The following CHST8 variants were observed in gnomAD, a reference collection of about 807,000 sequenced individuals.
CHST8 encodes carbohydrate sulfotransferase 8.
In CHST8, 10 loss-of-function variants were observed where a neutral mutation model predicts 15.0. The observed-to-expected ratio is 0.67, with a 90% CI of 0.41 to 1.13. CHST8 has a LOEUF of 1.13. Ranked by LOEUF, CHST8 falls within the 50% of genes most tolerant of loss-of-function variation. CHST8 has a pLI of 0.00. For synonymous variants in CHST8, 259 were observed against 256.6 expected (o/e 1.01, Z -0.09); for missense variants, 634 against 608.2 (o/e 1.04, Z -0.45).
At chr19:33,756,006 TCCACCC>T (rs1275573472) in intron 3 of CHST8, among the ~76,000 whole-genome samples, 3 of 152,122 alleles carry the variant, frequency 2.0e-5, no homozygotes, top group Non-Finnish European at 2.9e-5. Flanking sequence ...AGTAAGCTCC[TCCACCC>T]CCACCCAGGC....
chr19:33,674,286 T>C (rs1244663497), intron 2 of CHST8, among the ~76,000 whole-genome samples: 4 of 152,170 alleles, frequency 2.6e-5, no homozygotes, highest in African/African-American at 4.8e-5. Flanking sequence ...AGGTGCACTG[T>C]CACCTAGGTG....
At chr19:33,650,222 G>A (rs767530526) in intron 1 of CHST8, among the ~76,000 whole-genome samples, 27 of 152,190 alleles carry the variant, frequency 1.8e-4, no homozygotes, top group Admixed American at 7.9e-4. Context: ...CCAACCTCCC[G>A]TCCCAGCATG....
intron 3 of CHST8, among the ~76,000 whole-genome samples, chr19:33,716,413 C>T (rs1973666762): frequency 1.3e-5 from 2 of 152,180 alleles, no homozygotes; most frequent in South Asian, 4.1e-4. Context: ...GTCACCCAGA[C>T]TGGAGTACAG....
chr19:33,739,975 C>G (rs1974156136), intron 3 of CHST8, among the ~76,000 whole-genome samples: 1 of 152,162 alleles, frequency 6.6e-6, no homozygotes, highest in Non-Finnish European at 1.5e-5. Context: ...CTCTCAGAGA[C>G]AGAGGTGAGG....
At chr19:33,765,998 G>A (rs1230863182) in intron 3 of CHST8, among the ~76,000 whole-genome samples, 1 of 152,108 alleles carries the variant, frequency 6.6e-6, no homozygotes, top group African/African-American at 2.4e-5. Flanking sequence ...CCAAGTAGGA[G>A]GGAGTCTCGG....
intron 1 of CHST8, among the ~76,000 whole-genome samples, chr19:33,636,245 AGCAC>A (rs751969596): frequency 3.5e-4 from 54 of 152,208 alleles, no homozygotes; most frequent in Non-Finnish European, 1.3e-4. Flanking sequence ...ACCAACATTA[AGCAC>A]GGACCTCTCG....
At chr19:33,759,545 A>C (rs1166267762) in intron 3 of CHST8, among the ~76,000 whole-genome samples, 1 of 151,712 alleles carries the variant, frequency 6.6e-6, no homozygotes, top group African/African-American at 2.4e-5. Context: ...TCATGCCCCC[A>C]CTGGCCCAGA....
At chr19:33,693,931 T>C (rs1973147505) in intron 3 of CHST8, among the ~76,000 whole-genome samples, 1 of 151,412 alleles carries the variant, frequency 6.6e-6, no homozygotes, top group South Asian at 2.1e-4. Context: ...TTATCACTCC[T>C]TCTTCATTCT....
intron 1 of CHST8, among the ~76,000 whole-genome samples, chr19:33,638,226 C>T (rs1972231436): frequency 6.6e-6 from 1 of 152,168 alleles, no homozygotes; most frequent in South Asian, 2.1e-4. Flanking sequence ...ACGTTTTCCT[C>T]AAAGGAAAAG....
intron 3 of CHST8, among the ~76,000 whole-genome samples, chr19:33,723,970 G>A (rs1973847109): frequency 6.6e-6 from 1 of 152,204 alleles, no homozygotes; most frequent in African/African-American, 2.4e-5. Flanking sequence ...CCGTGGCGAA[G>A]GGGTGCTGGT....
At chr19:33,691,364 C>T (rs1047589353) in intron 3 of CHST8, among the ~76,000 whole-genome samples, 1 of 152,220 alleles carries the variant, frequency 6.6e-6, no homozygotes, top group African/African-American at 2.4e-5. Flanking sequence ...ACCCTCACCA[C>T]GTGCCAGGTG....
intron 3 of CHST8, among the ~76,000 whole-genome samples, chr19:33,708,837 A>C (rs372555463): frequency 8.5e-5 from 13 of 152,220 alleles, no homozygotes; most frequent in South Asian, 4.1e-4. Context: ...CTTCTTAACA[A>C]TATTGAATCT....
At chr19:33,672,320 C>T (rs948952948) in intron 2 of CHST8, among the ~76,000 whole-genome samples, 8 of 152,182 alleles carry the variant, frequency 5.3e-5, no homozygotes, top group Admixed American at 3.3e-4. Context: ...GCCTCAGCCT[C>T]CCCAGGAGCT....
At chr19:33,754,098 C>T (rs1168650896) in intron 3 of CHST8, among the ~76,000 whole-genome samples, 1 of 104,604 alleles carries the variant, frequency 9.6e-6, no homozygotes, top group Non-Finnish European at 1.9e-5. Flanking sequence ...ATGCCATCCC[C>T]ACACCATCTC....
intron 1 of CHST8, among the ~76,000 whole-genome samples, chr19:33,626,559 G>A (rs1972056003): frequency 6.6e-6 from 1 of 152,190 alleles, no homozygotes; most frequent in South Asian, 2.1e-4. Flanking sequence ...TAATGCTATT[G>A]TGAGGCAGGG....
At chr19:33,664,449 C>T (rs1390590363) in intron 1 of CHST8, among the ~76,000 whole-genome samples, 2 of 115,618 alleles carry the variant, frequency 1.7e-5, no homozygotes, top group South Asian at 3.7e-4. Context: ...CCCCTCCCCC[C>T]TCCCCACAAC....
At chr19:33,663,316 G>C (rs1972609426) in intron 1 of CHST8, among the ~76,000 whole-genome samples, 1 of 152,188 alleles carries the variant, frequency 6.6e-6, no homozygotes, top group African/African-American at 2.4e-5. Flanking sequence ...TATAATCCCA[G>C]CACTTTGGTA....
At position 33,667,257 on chromosome 19, in the gene CHST8, C is replaced by T. The variant is rs59803875; in HGVS notation, c.-163-510C>T. ...AGACCCTTTCCTTGGGTCTAGGTTT[C>T]GCTGTGGGAAGGGAAGTGGGAGAAA... On this transcript the variant is annotated intron_variant, in intron 1 of 4. Coordinates refer to ENST00000650847, the MANE Select transcript of CHST8 (RefSeq NM_001127895.2). Among the ~76,000 whole-genome samples the T allele has an allele frequency of 9.5e-3, 1,447 of 152,264 alleles. 17 individuals are homozygous for T. Among genetic ancestry groups the T allele is most frequent in the African/African-American group, 0.032 (1,336 of 41,538 alleles).
chr19:33,749,841 C>T (rs958001756), intron 3 of CHST8, among the ~76,000 whole-genome samples: 4 of 152,318 alleles, frequency 2.6e-5, no homozygotes, highest in African/African-American at 7.2e-5. Flanking sequence ...ACGTGCTGTG[C>T]GCTGTCCAGC....
Sources: allele counts gnomAD v4.1 joint callset (sites outside exome capture counted in the v4.1 genomes callset), GRCh38; gene constraint gnomAD v4.1.1; transcripts MANE v1.5; gene names NCBI Gene and HGNC (gene_info 2026-07-23, HGNC 2026-07-21).